Variants in REDIC1 observed in about 807,000 individuals in gnomAD.
REDIC1 encodes regulator of DNA class I crossover intermediates 1, also known as HEI10 Interacting Protein 1.
At chr12:39,880,704 G>GC in the REDIC1 span, among the ~76,000 whole-genome samples, 3 of 152,170 alleles carry the variant, frequency 2.0e-5, no homozygotes, top group African/African-American at 7.2e-5. Context: ...TTCTACATAT[G>GC]CCAATGTTGC....
At chr12:39,749,266 C>A in the REDIC1 span, among the ~76,000 whole-genome samples, 2 of 152,264 alleles carry the variant, frequency 1.3e-5, no homozygotes, top group Admixed American at 1.3e-4. Flanking sequence ...GAAATACAAA[C>A]TACCATCAGA....
the REDIC1 span, among the ~76,000 whole-genome samples, chr12:39,735,103 T>C: frequency 6.6e-6 from 1 of 152,222 alleles, no homozygotes. Context: ...CCATAGTAGA[T>C]AGTTGTTACA....
the REDIC1 span, among the ~76,000 whole-genome samples, chr12:39,773,269 A>G: frequency 2.0e-5 from 3 of 152,200 alleles, no homozygotes; most frequent in Non-Finnish European, 4.4e-5. Flanking sequence ...GCAGAATTGC[A>G]TGCAATCAGG....
chr12:39,837,677 G>A, the REDIC1 span, among the ~76,000 whole-genome samples: 106 of 151,836 alleles, frequency 7.0e-4, 1 homozygote, highest in East Asian at 9.3e-3. Flanking sequence ...AAAAGTGGGC[G>A]AAGGACATGA....
the REDIC1 span, among the ~76,000 whole-genome samples, chr12:39,901,737 G>A: frequency 7.3e-6 from 1 of 137,430 alleles, no homozygotes; most frequent in Non-Finnish European, 1.6e-5. Context: ...CTTTGACACT[G>A]TTGGTGGGAC....
the REDIC1 span, among the ~76,000 whole-genome samples, chr12:39,772,919 G>A: frequency 5.3e-5 from 8 of 152,136 alleles, no homozygotes; most frequent in African/African-American, 1.9e-4. Flanking sequence ...GCACTAACTT[G>A]GCAGAGTTAC....
At chr12:39,888,720 G>A in the REDIC1 span, among the ~76,000 whole-genome samples, 7 of 152,172 alleles carry the variant, frequency 4.6e-5, no homozygotes, top group Admixed American at 1.3e-4. Context: ...CATCAAAGAA[G>A]TTTGTCAACA....
At chr12:39,729,507 C>T in the REDIC1 span, among the ~76,000 whole-genome samples, 1 of 152,182 alleles carries the variant, frequency 6.6e-6, no homozygotes, top group East Asian at 1.9e-4. Flanking sequence ...AATTTGATTG[C>T]ACTGTGGTCT....
the REDIC1 span, among the ~76,000 whole-genome samples, chr12:39,783,348 T>C: frequency 5.3e-5 from 8 of 152,348 alleles, no homozygotes; most frequent in African/African-American, 1.9e-4. Flanking sequence ...CATGTGTCTT[T>C]ATAGCAGCAT....
At chr12:39,626,887 A>G in the REDIC1 span, among the ~76,000 whole-genome samples, 1 of 152,228 alleles carries the variant, frequency 6.6e-6, no homozygotes, top group African/African-American at 2.4e-5. Context: ...GAATAACTTG[A>G]GCGAATTTGC....
the REDIC1 span, among the ~76,000 whole-genome samples, chr12:39,672,384 G>C: frequency 2.0e-5 from 3 of 152,096 alleles, no homozygotes; most frequent in Non-Finnish European, 4.4e-5. Context: ...TGTCCTCAGG[G>C]GCATGCAAGT....
chr12:39,809,748 C>T, the REDIC1 span, among the ~76,000 whole-genome samples: 21 of 152,174 alleles, frequency 1.4e-4, no homozygotes, highest in East Asian at 7.7e-4. Flanking sequence ...TGAGTGAGAA[C>T]ATGCGGTGTT....
the REDIC1 span, among the ~76,000 whole-genome samples, chr12:39,748,766 C>G: frequency 2.0e-5 from 3 of 152,170 alleles, no homozygotes; most frequent in African/African-American, 7.2e-5. Flanking sequence ...TTAAGAAACT[C>G]ACTCAAAACC....
the REDIC1 span, among the ~76,000 whole-genome samples, chr12:39,766,191 A>G: frequency 2.6e-5 from 4 of 152,008 alleles, no homozygotes; most frequent in Non-Finnish European, 5.9e-5. Context: ...TTATCCTTTC[A>G]GTATTCGTTT....
the REDIC1 span, among the ~76,000 whole-genome samples, chr12:39,652,782 A>G: frequency 6.6e-6 from 1 of 152,046 alleles, no homozygotes; most frequent in Non-Finnish European, 1.5e-5. Flanking sequence ...CATTATTTAC[A>G]TTTGTGGAAA....
At chr12:39,754,829 C>A in the REDIC1 span, among the ~76,000 whole-genome samples, 1 of 151,928 alleles carries the variant, frequency 6.6e-6, no homozygotes, top group Non-Finnish European at 1.5e-5. Context: ...TTCTTTAGAA[C>A]AATTTTTAGG....
chr12:39,683,124 C>T, the REDIC1 span: 2 of 1,599,104 alleles, frequency 1.3e-6, no homozygotes, highest in Non-Finnish European at 1.7e-6. Context: ...ACTACCCAAG[C>T]AGCTCTGAAA....
At chr12:39,721,345 G>A in the REDIC1 span, 1 of 1,078,282 alleles carries the variant, frequency 9.3e-7, no homozygotes. Context: ...TAAGAAATGA[G>A]AAAAAGTAGC....
At chr12:39,866,876 A>G in the REDIC1 span, among the ~76,000 whole-genome samples, 6 of 152,228 alleles carry the variant, frequency 3.9e-5, no homozygotes, top group Non-Finnish European at 1.5e-5. Context: ...AAAATAACAG[A>G]ACAAAGTTGA....
Sources: gnomAD v4.1 joint callset for allele counts (sites outside exome capture counted in the v4.1 genomes callset) on GRCh38, gnomAD v4.1.1 for gene constraint, MANE v1.5 for transcripts, NCBI Gene and HGNC (gene_info 2026-07-23, HGNC 2026-07-21) for gene names.